Variants in SCAI observed in about 807,000 individuals in gnomAD.
SCAI encodes the protein suppressor of cancer cell invasion, also known as protein SCAI.
In SCAI, 24 loss-of-function variants were observed where a neutral mutation model predicts 92.2. The observed-to-expected ratio is 0.26, with a 90% CI of 0.19 to 0.37. The LOEUF is 0.37. Among genes scored for constraint, SCAI ranks in the 10% least tolerant of loss-of-function variants. The pLI, the probability that SCAI is intolerant of heterozygous loss-of-function variation, is 1.00. For missense variants in SCAI, 450 were observed against 736.2 expected, an observed-to-expected ratio of 0.61 and a Z score of 4.50; for synonymous variants, 261 against 258.6, an observed-to-expected ratio of 1.01 and a Z score of -0.09.
In SCAI at chr9:125,003,555, G is replaced by T. The variant is rs747834302; in HGVS notation, c.877C>A (p.Leu293Ile). ...NCNNQVKFSELTVDMFRMLQA... is the reference protein window; with the variant it reads ...NCNNQVKFSEITVDMFRMLQA... ...AACATCCGGAACATGTCAACAGTTA[G>T]TTCACTGAACTTAACCTGCAAGAAA... Residue 293 changes from leucine (L) to isoleucine (I), a missense_variant, in exon 10 of 18, where the codon CTA becomes ATA. Coordinates refer to ENST00000336505, the MANE Select transcript of SCAI (RefSeq NM_001144877.3). 12 of 1,607,650 alleles carry T rather than the reference G, an allele frequency of 7.5e-6. No individual in the cohort carries two copies. In the Admixed American group the frequency reaches 2.0e-4, roughly 27 times the overall value.
At chr9:125,131,351 T>C (rs1409871662) in intron 2 of SCAI, among the ~76,000 whole-genome samples, 1 of 146,752 alleles carries the variant, frequency 6.8e-6, no homozygotes, top group Non-Finnish European at 1.5e-5. Flanking sequence ...GAGGTTGCAG[T>C]GAGCCGAGAT....
chr9:125,099,440 T>A (rs1834633466), intron 2 of SCAI, among the ~76,000 whole-genome samples: 1 of 152,124 alleles, frequency 6.6e-6, no homozygotes, highest in Non-Finnish European at 1.5e-5. Flanking sequence ...CTACCATGCC[T>A]GGCTAATTTT....
At chr9:124,975,173 C>T (rs1831730437) in intron 15 of SCAI, 1 of 352,574 alleles carries the variant, frequency 2.8e-6, no homozygotes, top group South Asian at 2.1e-5. Flanking sequence ...AGTTCTATCC[C>T]TTAGTAATTT....
chr9:125,062,762 C>CT (rs753578589), intron 2 of SCAI, among the ~76,000 whole-genome samples: 33 of 151,942 alleles, frequency 2.2e-4, no homozygotes, highest in Non-Finnish European at 4.3e-4. Flanking sequence ...TGGCTCACGC[C>CT]TGTAATCTCA....
At chr9:125,041,450 A>AG (rs1833317105) in intron 3 of SCAI, among the ~76,000 whole-genome samples, 1 of 152,212 alleles carries the variant, frequency 6.6e-6, no homozygotes, top group Non-Finnish European at 1.5e-5. Context: ...TGTTTCATTA[A>AG]GGATACTATC....
rs977160200 is a variant in SCAI, at chr9:125,103,298, T to A, written c.98+39335A>T. On this transcript the variant is annotated intron_variant, in intron 2 of 17. Coordinates refer to ENST00000336505, the MANE Select transcript of SCAI (RefSeq NM_001144877.3). ...CTTCTGCATCCACTAACACAGGTAG[T>A]CCTTTGAGGATGATTTTTCAGTCCT... Among the ~76,000 whole-genome samples the A allele has an allele frequency of 3.9e-5, 6 of 152,146 alleles. No homozygotes were observed. In the South Asian group the frequency reaches 1.2e-3, roughly 31 times the overall value.
At chr9:125,073,938 G>A (rs1404396508) in intron 2 of SCAI, among the ~76,000 whole-genome samples, 2 of 149,642 alleles carry the variant, frequency 1.3e-5, no homozygotes, top group Admixed American at 1.3e-4. Context: ...AAGCACTCTC[G>A]TTCTCCTTTT....
chr9:125,109,744 T>C (rs1310325545), intron 2 of SCAI, among the ~76,000 whole-genome samples: 1 of 152,158 alleles, frequency 6.6e-6, no homozygotes, highest in Admixed American at 6.5e-5. Context: ...TGGAGGGCAG[T>C]GATGTGATCT....
At chr9:125,107,867 T>G (rs1834834159) in intron 2 of SCAI, among the ~76,000 whole-genome samples, 1 of 152,142 alleles carries the variant, frequency 6.6e-6, no homozygotes, top group South Asian at 2.1e-4. Context: ...TTCCACGGTC[T>G]CCCTCTGATG....
intron 2 of SCAI, among the ~76,000 whole-genome samples, chr9:125,136,807 C>T (rs1292928660): frequency 6.9e-6 from 1 of 144,918 alleles, no homozygotes; most frequent in Non-Finnish European, 1.5e-5. Flanking sequence ...CTTGCTCTGT[C>T]ACCCAGGCTA....
intron 2 of SCAI, among the ~76,000 whole-genome samples, chr9:125,134,336 T>C (rs1835469685): frequency 6.6e-6 from 1 of 152,180 alleles, no homozygotes. Flanking sequence ...GTGTCTGTCT[T>C]CCCATTAATA....
At chr9:125,077,581 T>C (rs1834116833) in intron 2 of SCAI, among the ~76,000 whole-genome samples, 1 of 152,240 alleles carries the variant, frequency 6.6e-6, no homozygotes, top group Non-Finnish European at 1.5e-5. Flanking sequence ...TGAAGTATTG[T>C]ACTTCTCCAC....
intron 13 of SCAI, among the ~76,000 whole-genome samples, chr9:124,998,465 A>G (rs1332583654): frequency 1.3e-5 from 2 of 152,082 alleles, no homozygotes; most frequent in East Asian, 3.9e-4. Flanking sequence ...AAAAAAAACA[A>G]ACTCAATACT....
chr9:125,035,820 G>A (rs1940737347), intron 3 of SCAI, among the ~76,000 whole-genome samples: 1 of 152,188 alleles, frequency 6.6e-6, no homozygotes, highest in Admixed American at 6.5e-5. Context: ...CACTTTGGGA[G>A]GCCAAGGCAG....
intron 3 of SCAI, among the ~76,000 whole-genome samples, chr9:125,042,296 GT>G (rs1833330798): frequency 6.6e-6 from 1 of 152,074 alleles, no homozygotes; most frequent in African/African-American, 2.4e-5. Context: ...AAGAAATGCA[GT>G]GCAAATAATT....
intron 3 of SCAI, among the ~76,000 whole-genome samples, chr9:125,037,035 G>A (rs967988853): frequency 2.6e-5 from 4 of 151,986 alleles, no homozygotes; most frequent in Admixed American, 6.6e-5. Flanking sequence ...TTGGGAGGCC[G>A]AGGCAGGCTG....
At chr9:125,061,397 A>G (rs1340022699) in intron 2 of SCAI, among the ~76,000 whole-genome samples, 1 of 152,222 alleles carries the variant, frequency 6.6e-6, no homozygotes, top group African/African-American at 2.4e-5. Context: ...TATTTATTTC[A>G]GTCTTATGAA....
At chr9:125,059,467 C>T (rs1833732310) in intron 2 of SCAI, among the ~76,000 whole-genome samples, 1 of 152,138 alleles carries the variant, frequency 6.6e-6, no homozygotes, top group Non-Finnish European at 1.5e-5. Context: ...TGTTCAACCA[C>T]CAATGATGAA....
At chr9:125,133,910 A>G (rs1013068994) in intron 2 of SCAI, among the ~76,000 whole-genome samples, 2 of 152,174 alleles carry the variant, frequency 1.3e-5, no homozygotes, top group African/African-American at 4.8e-5. Context: ...GTGTAGCAGT[A>G]TATCTGGCCT....
Sources: allele counts gnomAD v4.1 joint callset (sites outside exome capture counted in the v4.1 genomes callset), GRCh38; gene constraint gnomAD v4.1.1; transcripts MANE v1.5; gene names NCBI Gene and HGNC (gene_info 2026-07-23, HGNC 2026-07-21).